Variants in RGS6 observed in about 807,000 individuals in gnomAD.
RGS6 encodes regulator of G-protein signaling 6.
In RGS6, 30 loss-of-function variants were observed where a neutral mutation model predicts 78.5. That is an observed-to-expected ratio of 0.38 (90% CI 0.29 to 0.52). RGS6 has a LOEUF of 0.52. RGS6 is among the 20% of genes least tolerant of loss of function. RGS6 has a pLI of 0.85. For missense variants in RGS6, 495 were observed against 609.7 expected, an observed-to-expected ratio of 0.81 and a Z score of 1.98; for synonymous variants, 206 against 206.0, an observed-to-expected ratio of 1.00 and a Z score of 0.00.
intron 2 of RGS6, among the ~76,000 whole-genome samples, chr14:72,293,920 A>G: frequency 6.6e-6 from 1 of 152,334 alleles, no homozygotes; most frequent in East Asian, 1.9e-4. Flanking sequence ...TGGAAACGGG[A>G]CAGGCTGAAT....
the RGS6 span, among the ~76,000 whole-genome samples, chr14:72,596,148 G>A: frequency 6.6e-6 from 1 of 152,212 alleles, no homozygotes; most frequent in Non-Finnish European, 1.5e-5. Context: ...AGCCCCTAAA[G>A]TCAAGGTATC....
chr14:72,040,225 G>T (rs1596463129), intron 2 of RGS6, among the ~76,000 whole-genome samples: 1 of 152,028 alleles, frequency 6.6e-6, no homozygotes, highest in African/African-American at 2.4e-5. Context: ...ACCTTTACCA[G>T]GGAGCTTACA....
chr14:72,089,868 C>T (rs919673585), intron 2 of RGS6, among the ~76,000 whole-genome samples: 9 of 152,134 alleles, frequency 5.9e-5, no homozygotes, highest in Non-Finnish European at 1.2e-4. Context: ...AAGGACGGTC[C>T]TTCCTTCTCC....
At chr14:72,100,259 C>T (rs935858182) in intron 2 of RGS6, among the ~76,000 whole-genome samples, 2 of 152,070 alleles carry the variant, frequency 1.3e-5, no homozygotes, top group Non-Finnish European at 2.9e-5. Context: ...AATCCCAGCA[C>T]ATTGGGAGGC....
At position 72,082,670 on chromosome 14, in the gene RGS6, TA is replaced by T. The variant is rs10716211; in HGVS notation, c.84+117801del. Among the ~76,000 whole-genome samples the T allele has an allele frequency of 7.7e-3, 1,170 of 152,126 alleles. 9 individuals are homozygous for T. The highest frequency in any genetic ancestry group is 0.027 in the African/African-American group (1,119 of 41,502). ...TTAGTTATTATATGTCAATTATAAA[TA>T]AAAAATTATATACTACGTTGGTTTT... On this transcript the variant is annotated intron_variant, in intron 2 of 17. Coordinates refer to ENST00000553525, the MANE Select transcript of RGS6 (RefSeq NM_001204424.2).
Position 72,176,184 on chromosome 14 carries a change from C to T in RGS6, c.85-175911C>T, listed in dbSNP as rs565190196. ...GGGTTTCATAACAGTGATGTAAGTG[C>T]ATTGCTTTGAAGCAGTTTTTGAGGG... On this transcript the variant is annotated intron_variant, in intron 2 of 17. Transcript: ENST00000553525. 2.0e-5 allele frequency among the ~76,000 whole-genome samples: 3 copies of T among 152,298 alleles called. No individual in the cohort carries two copies. In the South Asian group the frequency reaches 6.2e-4, roughly 32 times the overall value.
At chr14:71,989,571 CA>C (rs2094868721) in intron 2 of RGS6, among the ~76,000 whole-genome samples, 1 of 152,214 alleles carries the variant, frequency 6.6e-6, no homozygotes, top group Non-Finnish European at 1.5e-5. Context: ...AACTGAAGCT[CA>C]GGGGTAAAGA....
Position 72,562,882 on chromosome 14 carries a change from G to T in RGS6, c.*415G>T. 6 of 835,802 alleles carry T rather than the reference G, an allele frequency of 7.2e-6. No homozygotes were observed. The highest frequency in any genetic ancestry group is 9.7e-6 in the Non-Finnish European group (5 of 513,512). The allele number at this position is 835,802 out of a possible 1,614,324, so 51.8% of individuals were successfully genotyped here. ...TCTGGCAAATTCAAGAGGCATGAGTGGACCGAGAGCACATCCAGCATTTGC... is the reference window on the plus strand; with the variant it reads ...TCTGGCAAATTCAAGAGGCATGAGTTGACCGAGAGCACATCCAGCATTTGC... On this transcript the variant is annotated 3_prime_UTR_variant, in exon 18 of 18. Transcript: ENST00000553525.
intron 3 of RGS6, among the ~76,000 whole-genome samples, chr14:72,356,284 T>C (rs2080257836): frequency 6.6e-6 from 1 of 152,086 alleles, no homozygotes; most frequent in Non-Finnish European, 1.5e-5. Context: ...TCACAAGATC[T>C]GATGGTTTAA....
intron 13 of RGS6, among the ~76,000 whole-genome samples, chr14:72,507,099 G>A (rs1303551269): frequency 5.9e-5 from 9 of 151,512 alleles, no homozygotes; most frequent in African/African-American, 2.2e-4. Context: ...AACCCAGGAG[G>A]CGGAGCCTGC....
chr14:72,551,439 G>A (rs1378673450), intron 17 of RGS6, among the ~76,000 whole-genome samples: 1 of 152,204 alleles, frequency 6.6e-6, no homozygotes, highest in African/African-American at 2.4e-5. Context: ...TCTCAAAAGA[G>A]CAAGGAGCTG....
chr14:72,487,140 T>C (rs2096502390), intron 12 of RGS6, among the ~76,000 whole-genome samples: 2 of 152,138 alleles, frequency 1.3e-5, no homozygotes, highest in Admixed American at 6.5e-5. Context: ...GCAATGATGA[T>C]GGCAAATAGG....
At chr14:72,582,945 TAA>T in the RGS6 span, among the ~76,000 whole-genome samples, 1 of 142,406 alleles carries the variant, frequency 7.0e-6, no homozygotes, top group Non-Finnish European at 1.5e-5. Flanking sequence ...GTGGACTGAG[TAA>T]AAAAAAAAAA....
intron 2 of RGS6, among the ~76,000 whole-genome samples, chr14:72,320,938 A>G (rs2071794970): frequency 1.3e-5 from 2 of 149,876 alleles, no homozygotes; most frequent in Admixed American, 1.3e-4. Context: ...TATTTACTAA[A>G]TATACTAAGT....
intron 2 of RGS6, among the ~76,000 whole-genome samples, chr14:72,192,040 T>C (rs2097332949): frequency 6.6e-6 from 1 of 152,194 alleles, no homozygotes; most frequent in South Asian, 2.1e-4. Context: ...TCATTTTGTT[T>C]ATTAACACCA....
intron 2 of RGS6, among the ~76,000 whole-genome samples, chr14:72,163,608 G>T (rs1483682600): frequency 6.6e-6 from 1 of 152,208 alleles, no homozygotes; most frequent in Non-Finnish European, 1.5e-5. Context: ...TGTGAGGCTG[G>T]GTGCAGTGGC....
intron 3 of RGS6, among the ~76,000 whole-genome samples, chr14:72,404,874 T>A (rs926956440): frequency 6.6e-6 from 1 of 152,082 alleles, no homozygotes; most frequent in African/African-American, 2.4e-5. Flanking sequence ...AAGAGAACGA[T>A]GACAAATCTC....
intron 2 of RGS6, among the ~76,000 whole-genome samples, chr14:72,123,418 G>A (rs1286879346): frequency 1.3e-5 from 2 of 152,156 alleles, no homozygotes; most frequent in African/African-American, 4.8e-5. Context: ...CTTTGCTTGG[G>A]TGTGGATTGG....
intron 3 of RGS6, among the ~76,000 whole-genome samples, chr14:72,358,370 G>T (rs1273271629): frequency 6.6e-6 from 1 of 152,228 alleles, no homozygotes; most frequent in East Asian, 1.9e-4. Context: ...CTTGCACTGT[G>T]CAACTGGAAA....
Sources: gnomAD v4.1 joint callset for allele counts (sites outside exome capture counted in the v4.1 genomes callset) on GRCh38, gnomAD v4.1.1 for gene constraint, MANE v1.5 for transcripts, NCBI Gene and HGNC (gene_info 2026-07-23, HGNC 2026-07-21) for gene names.